The following C1orf226 variants were observed in gnomAD, a reference collection of about 807,000 sequenced individuals.
C1orf226 encodes the protein uncharacterized protein C1orf226.
Under a neutral mutation model 10.5 loss-of-function variants are expected in C1orf226, and 4 were observed. The observed-to-expected ratio is 0.38, with a 90% CI of 0.19 to 0.87. The LOEUF (loss-of-function observed/expected upper bound fraction) is 0.87, where lower values mean the gene tolerates loss of function less well. C1orf226 is among the 40% of genes least tolerant of loss of function. The probability of loss-of-function intolerance (pLI) is 0.41; values close to 1 mark genes in which losing one functional copy is unlikely to be tolerated. For missense variants in C1orf226, 313 were observed against 336.2 expected, an observed-to-expected ratio of 0.93 and a Z score of 0.54; for synonymous variants, 125 against 139.3, an observed-to-expected ratio of 0.90 and a Z score of 0.72.
Position 162,385,754 on chromosome 1 carries a change from TC to T in C1orf226, c.*2074del, listed in dbSNP as rs1381830738. The T allele has an allele frequency of 6.6e-6, 1 of 152,142 alleles. No homozygotes were observed. The highest frequency in any genetic ancestry group is 2.4e-5 in the African/African-American group (1 of 41,416). The allele number at this position is 152,142 out of a possible 1,614,324, so 9.4% of individuals were successfully genotyped here. Reference sequence around the variant, plus strand: ...GGGAGCAAGCCACTTCATCTGAGCTTCCCATACCAGGAGCATGGTTTGTGCT... The same window carrying T: ...GGGAGCAAGCCACTTCATCTGAGCTTCCATACCAGGAGCATGGTTTGTGCT... On this transcript the variant is annotated 3_prime_UTR_variant, in exon 2 of 2. Transcript: ENST00000458626.
Position 162,383,717 on chromosome 1 carries a change from G to T in C1orf226, c.*34G>T, listed in dbSNP as rs751729454. On this transcript the variant is annotated 3_prime_UTR_variant, in exon 2 of 2. Coordinates refer to ENST00000458626, the MANE Select transcript of C1orf226 (RefSeq NM_001085375.2). The stretch of plus-strand genomic sequence containing the variant: ...CTCTTTCCTGCTGAGCTCTGCCCTT[G>T]TCTTCCTGCTGCTTTCTCCTCCACT... 3 of 1,543,764 alleles carry T rather than the reference G, an allele frequency of 1.9e-6. No individual in the cohort carries two copies. Among genetic ancestry groups the T allele is most frequent in the Non-Finnish European group, 2.6e-6 (3 of 1,150,620 alleles).
upstream of C1orf226, among the ~76,000 whole-genome samples, chr1:162,381,214 C>T (rs1647894093): frequency 6.6e-6 from 1 of 152,156 alleles, no homozygotes. Context: ...TTCCATGTAC[C>T]ACCTCCCTAG....
chr1:162,379,857 T>C (rs566263466), upstream of C1orf226, among the ~76,000 whole-genome samples: 3 of 152,366 alleles, frequency 2.0e-5, no homozygotes, highest in South Asian at 6.2e-4. Flanking sequence ...ATGTCTGCTC[T>C]GAAAAGTCAC....
Position 162,383,748 on chromosome 1 carries a change from C to G in C1orf226, c.*65C>G. The G allele has an allele frequency of 6.8e-7, 1 of 1,478,884 alleles. No homozygotes were observed. Among genetic ancestry groups the G allele is most frequent in the South Asian group, 1.4e-5 (1 of 73,522 alleles). The allele number at this position is 1,478,884 out of a possible 1,614,324, so 91.6% of individuals were successfully genotyped here. A position where few individuals can be genotyped will look rare whatever the true frequency, so the allele number is the denominator to read the frequency against. ...CTGCTGCTTTCTCCTCCACTGCGCA[C>G]ACTGGCCCTGGCCTCAACTCCGCTG... On this transcript the variant is annotated 3_prime_UTR_variant, in exon 2 of 2. Coordinates refer to ENST00000458626, the MANE Select transcript of C1orf226 (RefSeq NM_001085375.2).
Position 162,386,107 on chromosome 1 carries a change from G to A in C1orf226, c.*2424G>A, listed in dbSNP as rs571609475. On this transcript the variant is annotated 3_prime_UTR_variant, in exon 2 of 2. Transcript: ENST00000458626. ...ACAACCTGCCCGTCCCCCTGCTGCA[G>A]GGATGTTGCTGCTACCTCGGGAGGC... 6.5e-6 allele frequency: 1 copy of A among 153,186 alleles called. No individual in the cohort carries two copies. The highest frequency in any genetic ancestry group is 1.9e-4 in the East Asian group (1 of 5,218). 9.5% of individuals were successfully genotyped at this position (153,186 alleles called of 1,614,324 possible).
Position 162,385,572 on chromosome 1 carries a change from T to C in C1orf226, c.*1889T>C, listed in dbSNP as rs1648084585. 5 of 152,206 alleles carry C rather than the reference T, an allele frequency of 3.3e-5. No individual in the cohort carries two copies. The highest frequency in any genetic ancestry group is 1.3e-4 in the Admixed American group (2 of 15,276). The allele number at this position is 152,206 out of a possible 1,614,324, so 9.4% of individuals were successfully genotyped here. Reference sequence around the variant, plus strand: ...GAGTGAGCAGGGCTTACGTGTACATTCTTTCTCACTCTAAGGATGTGATAT... The same window carrying C: ...GAGTGAGCAGGGCTTACGTGTACATCCTTTCTCACTCTAAGGATGTGATAT... On this transcript the variant is annotated 3_prime_UTR_variant, in exon 2 of 2. Coordinates refer to ENST00000458626, the MANE Select transcript of C1orf226 (RefSeq NM_001085375.2).
At chr1:162,383,031 G>T in intron 1 of C1orf226, 151 bp from the exon 2 acceptor site, 1 of 710,092 alleles carries the variant, frequency 1.4e-6, no homozygotes. Flanking sequence ...TAAGGCCTAT[G>T]TGCCAAACCA....
chr1:162,383,745 G>T lies in C1orf226; in HGVS notation c.*62G>T. On this transcript the variant is annotated 3_prime_UTR_variant, in exon 2 of 2. Coordinates refer to ENST00000458626, the MANE Select transcript of C1orf226 (RefSeq NM_001085375.2). ...TTCCTGCTGCTTTCTCCTCCACTGC[G>T]CACACTGGCCCTGGCCTCAACTCCG... 1 of 1,488,030 alleles carries T rather than the reference G, an allele frequency of 6.7e-7. No individual in the cohort carries two copies. The highest frequency in any genetic ancestry group is 1.3e-5 in the South Asian group (1 of 74,382). The allele number at this position is 1,488,030 out of a possible 1,614,324, so 92.2% of individuals were successfully genotyped here.
rs748573065 is a variant in C1orf226 at position 162,383,705 on chromosome 1, A to C, written c.*22A>C. 1 of 1,560,142 alleles carries C rather than the reference A, an allele frequency of 6.4e-7. No homozygotes were observed. On this transcript the variant is annotated 3_prime_UTR_variant, in exon 2 of 2. Transcript: ENST00000458626. Reference sequence around the variant, plus strand: ...ATAGAGCCTCTGCTCTTTCCTGCTGAGCTCTGCCCTTGTCTTCCTGCTGCT... The same window carrying C: ...ATAGAGCCTCTGCTCTTTCCTGCTGCGCTCTGCCCTTGTCTTCCTGCTGCT...
upstream of C1orf226, chr1:162,381,599 G>C (rs1395700532): frequency 2.4e-6 from 2 of 827,812 alleles, no homozygotes; most frequent in African/African-American, 3.6e-5. Flanking sequence ...AAGGTAAAGG[G>C]GCCAAGCCCA....
Position 162,381,840 on chromosome 1 carries a change from G to A in C1orf226, c.-62G>A. 1 of 1,595,272 alleles carries A rather than the reference G, an allele frequency of 6.3e-7. No individual in the cohort carries two copies. The highest frequency in any genetic ancestry group is 1.1e-5 in the South Asian group (1 of 87,530). On this transcript the variant is annotated 5_prime_UTR_variant, in exon 1 of 2. Transcript: ENST00000458626. ...GGAAAAACTGAATGATAGAGCACAG[G>A]TACCGCTCCCCTTTCCTCATCATGC...
chr1:162,382,234 G>A lies in C1orf226; in HGVS notation c.317+16G>A, dbSNP rs773555924. The A allele has an allele frequency of 2.0e-5, 31 of 1,550,258 alleles. No individual in the cohort carries two copies. The highest frequency in any genetic ancestry group is 2.4e-5 in the Non-Finnish European group (28 of 1,150,104). On this transcript the variant is annotated intron_variant, in intron 1 of 1. Transcript: ENST00000458626. Reference sequence around the variant, plus strand: ...AGGATGAAAGGTGAGCCCCTCACCCGCCCAACATCCATGCCCCTCTGTGGA... The same window carrying A: ...AGGATGAAAGGTGAGCCCCTCACCCACCCAACATCCATGCCCCTCTGTGGA...
In C1orf226 at chr1:162,383,973, A is replaced by T; in HGVS notation, c.*290A>T. 2.5e-6 allele frequency: 1 copy of T among 394,744 alleles called. No individual in the cohort carries two copies. 24.5% of individuals were successfully genotyped at this position (394,744 alleles called of 1,614,324 possible). On this transcript the variant is annotated 3_prime_UTR_variant, in exon 2 of 2. Coordinates refer to ENST00000458626, the MANE Select transcript of C1orf226 (RefSeq NM_001085375.2). Reference sequence around the variant, plus strand: ...AGCCCTTGGACATTAGAGCTCTTCCACTCTTGAGCTTGTCCTGTCTTCTCA... The same window carrying T: ...AGCCCTTGGACATTAGAGCTCTTCCTCTCTTGAGCTTGTCCTGTCTTCTCA...
rs571383768 is a variant in C1orf226, at chr1:162,382,052, C to A, written c.151C>A (p.Leu51Ile). The A allele has an allele frequency of 6.2e-7, 1 of 1,609,390 alleles. No homozygotes were observed. Among genetic ancestry groups the A allele is most frequent in the East Asian group, 2.2e-5 (1 of 44,728 alleles). Residue 51 changes from leucine (L) to isoleucine (I), a missense_variant, in exon 1 of 2, where the codon CTC (leucine) becomes ATC (isoleucine). Leu to Ile is a conservative substitution (Grantham distance 5). Coordinates refer to ENST00000458626, the MANE Select transcript of C1orf226 (RefSeq NM_001085375.2). ...ACTCTGGGTGGGCAGCAGCCAGCAC[C>A]TCAAGAACCTGGGCAAAGCCATGGG... The part of the protein sequence containing the change: ...PGLWVGSSQH[L>I]KNLGKAMGAK...
chr1:162,381,804 G>A lies in C1orf226; in HGVS notation c.-98G>A. ...AAGCCTTGGAAGTTACAGGTTTTGG[G>A]TGTGGGATAAGGAAAAACTGAATGA... On this transcript the variant is annotated 5_prime_UTR_variant, in exon 1 of 2. In the 5' UTR this introduces an upstream ATG that the reference lacks. Transcript: ENST00000458626. The A allele has an allele frequency of 3.3e-6, 5 of 1,530,530 alleles. No individual in the cohort carries two copies. The highest frequency in any genetic ancestry group is 8.7e-7 in the Non-Finnish European group (1 of 1,145,824). The allele number at this position is 1,530,530 out of a possible 1,614,324, so 94.8% of individuals were successfully genotyped here.
In C1orf226 at chr1:162,381,898, C is replaced by T. The variant is rs375172922; in HGVS notation, c.-4C>T. The T allele has an allele frequency of 1.4e-5, 22 of 1,612,498 alleles. No homozygotes were observed. Among genetic ancestry groups the T allele is most frequent in the Middle Eastern group, 1.6e-4 (1 of 6,078 alleles). Reference sequence around the variant, plus strand: ...TCGCCTCTTTGTTCATAGTTGACCACGGCATGTTTGAGAATTTGAACACAG... The same window carrying T: ...TCGCCTCTTTGTTCATAGTTGACCATGGCATGTTTGAGAATTTGAACACAG... On this transcript the variant is annotated 5_prime_UTR_variant, in exon 1 of 2. The change creates a new upstream start codon in the 5' untranslated region. Coordinates refer to ENST00000458626, the MANE Select transcript of C1orf226 (RefSeq NM_001085375.2).
chr1:162,381,753 T>C lies in C1orf226; in HGVS notation c.-149T>C. ...ACACTGGAAAGTTCAAGAGTGTCTT[T>C]GCTGGCTCTTTCTTGAATATTTCCA... is the stretch of plus-strand genomic sequence containing the variant. On this transcript the variant is annotated 5_prime_UTR_variant, in exon 1 of 2. Transcript: ENST00000458626. 1 of 1,471,026 alleles carries C rather than the reference T, an allele frequency of 6.8e-7. No individual in the cohort carries two copies. The highest frequency in any genetic ancestry group is 1.5e-5 in the South Asian group (1 of 66,652). 91.1% of individuals were successfully genotyped at this position (1,471,026 alleles called of 1,614,324 possible). A position where few individuals can be genotyped will look rare whatever the true frequency, so the allele number is the denominator to read the frequency against.
Position 162,381,751 on chromosome 1 carries a change from T to C in C1orf226, c.-151T>C. The C allele has an allele frequency of 1.4e-6, 2 of 1,468,530 alleles. No individual in the cohort carries two copies. The highest frequency in any genetic ancestry group is 1.8e-6 in the Non-Finnish European group (2 of 1,114,580). 91.0% of individuals were successfully genotyped at this position (1,468,530 alleles called of 1,614,324 possible). A position where few individuals can be genotyped will look rare whatever the true frequency, so the allele number is the denominator to read the frequency against. On this transcript the variant is annotated 5_prime_UTR_variant, in exon 1 of 2. Coordinates refer to ENST00000458626, the MANE Select transcript of C1orf226 (RefSeq NM_001085375.2). ...CTACACTGGAAAGTTCAAGAGTGTC[T>C]TTGCTGGCTCTTTCTTGAATATTTC...
upstream of C1orf226, chr1:162,379,162 T>C: frequency 1.6e-6 from 1 of 609,592 alleles, no homozygotes; most frequent in South Asian, 2.0e-5. Flanking sequence ...TGTCCTCCAT[T>C]GCCATTATTT....
Sources: gnomAD v4.1 joint callset for allele counts (sites outside exome capture counted in the v4.1 genomes callset) on GRCh38, gnomAD v4.1.1 for gene constraint, MANE v1.5 for transcripts, NCBI Gene and HGNC (gene_info 2026-07-23, HGNC 2026-07-21) for gene names.